The following XPA variants were observed in gnomAD, a reference collection of about 807,000 sequenced individuals.
XPA encodes XPA, DNA damage recognition and repair factor, also known as DNA repair protein complementing XP-A cells.
XPA carries 27 observed loss-of-function variants against 35.7 expected under a neutral mutation model. The ratio of observed to expected loss-of-function variants is 0.76; its 90% CI spans 0.56 to 1.04. XPA has a LOEUF of 1.04. Ranked by LOEUF, XPA falls within the 50% of genes least tolerant of loss-of-function variation. XPA has a pLI of 0.00. For missense variants in XPA, 354 were observed against 342.7 expected (o/e 1.03, Z -0.26); for synonymous variants, 133 against 118.4 (o/e 1.12, Z -0.80).
the XPA span, chr9:97,655,696 A>G: frequency 1.9e-6 from 3 of 1,608,466 alleles, no homozygotes; most frequent in South Asian, 1.1e-5. Context: ...CCCCTTCTCT[A>G]CGTAGGTTTA....
intron 5 of XPA, among the ~76,000 whole-genome samples, chr9:97,683,977 T>C (rs1828626840): frequency 6.6e-6 from 1 of 152,220 alleles, no homozygotes; most frequent in Non-Finnish European, 1.5e-5. Flanking sequence ...AAAGTATGTG[T>C]TATCTCTACA....
chr9:97,692,296 A>G (rs542725008), intron 2 of XPA, among the ~76,000 whole-genome samples: 18 of 149,968 alleles, frequency 1.2e-4, no homozygotes, highest in African/African-American at 4.4e-4. Flanking sequence ...TGTCTCAAAG[A>G]AAAAAAAAAG....
chr9:97,667,889 T>C, the XPA span, among the ~76,000 whole-genome samples: 1 of 152,194 alleles, frequency 6.6e-6, no homozygotes, highest in Non-Finnish European at 1.5e-5. Flanking sequence ...TATTAGGTAG[T>C]AGTGCTCTAG....
intron 5 of XPA, among the ~76,000 whole-genome samples, chr9:97,682,933 C>A (rs559304453): frequency 9.9e-5 from 15 of 152,260 alleles, no homozygotes; most frequent in Admixed American, 2.6e-4. Flanking sequence ...TGGATGCCAT[C>A]ATCTTTCAAT....
rs1427791470 is a variant in XPA at position 97,675,037 on chromosome 9, T to G, written c.*402A>C. On this transcript the variant is annotated 3_prime_UTR_variant, in exon 6 of 6. Transcript: ENST00000375128. ...CACATGACTAGAACCTGGGGTACAG[T>G]GGTGCACCACCATTGCTATTATTTG... is the stretch of plus-strand genomic sequence containing the variant. 1.9e-6 allele frequency: 1 copy of G among 530,432 alleles called. No homozygotes were observed. The highest frequency in any genetic ancestry group is 1.9e-5 in the African/African-American group (1 of 53,668). 32.9% of individuals were successfully genotyped at this position (530,432 alleles called of 1,614,324 possible).
At chr9:97,656,375 A>G in the XPA span, among the ~76,000 whole-genome samples, 1 of 152,300 alleles carries the variant, frequency 6.6e-6, no homozygotes, top group Admixed American at 6.5e-5. Context: ...TGATGTGAGG[A>G]GTTCAGGCTA....
the XPA span, chr9:97,654,981 G>C: frequency 3.4e-6 from 5 of 1,469,278 alleles, no homozygotes; most frequent in African/African-American, 1.5e-5. Flanking sequence ...TGAGTTAGCA[G>C]CTTTTACTTC....
At chr9:97,677,647 G>A (rs887322662) in intron 5 of XPA, among the ~76,000 whole-genome samples, 1 of 152,186 alleles carries the variant, frequency 6.6e-6, no homozygotes, top group Non-Finnish European at 1.5e-5. Flanking sequence ...AGTGAGCCAT[G>A]ATTGCACCAC....
At chr9:97,657,924 ATATTT>A in the XPA span, among the ~76,000 whole-genome samples, 21 of 119,502 alleles carry the variant, frequency 1.8e-4, no homozygotes, top group African/African-American at 4.2e-4. Flanking sequence ...ATATATATAT[ATATTT>A]TTTTTTTTTT....
downstream of XPA, chr9:97,671,415 TTA>T (rs879451452): frequency 1.5e-4 from 70 of 478,698 alleles, no homozygotes; most frequent in Non-Finnish European, 1.2e-4. Flanking sequence ...CCATGATATA[TTA>T]TATATGTGAC....
chr9:97,675,005 T>TA lies in XPA; in HGVS notation c.*433dup. ...ACCATCGTGGAGACAGAAATCGTCC[T>TA]AAAAAACACATGACTAGAACCTGGG... On this transcript the variant is annotated 3_prime_UTR_variant, in exon 6 of 6. Transcript: ENST00000375128. 3 of 526,712 alleles carry TA rather than the reference T, an allele frequency of 5.7e-6. No individual in the cohort carries two copies. The highest frequency in any genetic ancestry group is 1.1e-5 in the Non-Finnish European group (3 of 271,644). The allele number at this position is 526,712 out of a possible 1,614,324, so 32.6% of individuals were successfully genotyped here.
At chr9:97,689,967 C>G (rs1047488297) in intron 2 of XPA, among the ~76,000 whole-genome samples, 5 of 152,208 alleles carry the variant, frequency 3.3e-5, no homozygotes, top group African/African-American at 7.2e-5. Context: ...TCACACGGAT[C>G]TCTAGTTTAT....
At chr9:97,670,071 C>G (rs896457336), downstream of XPA, 3 of 344,040 alleles carry the variant, frequency 8.7e-6, no homozygotes, top group African/African-American at 4.3e-5. Context: ...TACAGGCACC[C>G]GTCACTACTC....
rs1212966213 is a variant in XPA, at chr9:97,675,444, T to G, written c.817A>C (p.Met273Leu). The G allele has an allele frequency of 1.2e-6, 2 of 1,613,076 alleles. No homozygotes were observed. Among genetic ancestry groups the G allele is most frequent in the East Asian group, 4.5e-5 (2 of 44,870 alleles). Residue 273 changes from methionine (M) to leucine (L), a missense_variant, in exon 6 of 6, where the codon ATG becomes CTG. Transcript: ENST00000375128. ...CAGGTCACTGAACTAAAAAATCACA[T>G]TTTTTCATATGTCAGTTCATGGCCA... is the stretch of plus-strand genomic sequence containing the variant. ...MCGHELTYEK[M>L] is the part of the protein sequence containing the mutation.
At chr9:97,664,489 A>G in the XPA span, 7 of 1,298,942 alleles carry the variant, frequency 5.4e-6, no homozygotes, top group African/African-American at 2.9e-5. Context: ...AAGAATTGAT[A>G]TATGTGTGGT....
At chr9:97,658,278 T>A in the XPA span, among the ~76,000 whole-genome samples, 1 of 152,346 alleles carries the variant, frequency 6.6e-6, no homozygotes, top group South Asian at 2.1e-4. Context: ...TGTAAACACC[T>A]TCTCAGGCAG....
At chr9:97,679,420 G>A (rs1828469769) in intron 5 of XPA, among the ~76,000 whole-genome samples, 2 of 152,034 alleles carry the variant, frequency 1.3e-5, no homozygotes, top group Non-Finnish European at 2.9e-5. Context: ...AGTTTAAAAA[G>A]ACAGGAGCTA....
intron 5 of XPA, among the ~76,000 whole-genome samples, chr9:97,680,101 A>G (rs1269907850): frequency 1.3e-5 from 2 of 152,254 alleles, no homozygotes; most frequent in Non-Finnish European, 2.9e-5. Context: ...GCTGTAAAGG[A>G]CACCAAAACA....
At chr9:97,666,739 A>C in the XPA span, 3 of 1,468,248 alleles carry the variant, frequency 2.0e-6, no homozygotes, top group Non-Finnish European at 2.8e-6. Flanking sequence ...GACATACAGT[A>C]ACCAAATGCC....
Sources: allele counts gnomAD v4.1 joint callset (sites outside exome capture counted in the v4.1 genomes callset), GRCh38; gene constraint gnomAD v4.1.1; transcripts MANE v1.5; gene names NCBI Gene and HGNC (gene_info 2026-07-23, HGNC 2026-07-21).